Variants in RNLS observed in about 807,000 individuals in gnomAD.
RNLS encodes renalase, FAD dependent amine oxidase.
RNLS carries 39 observed loss-of-function variants against 39.8 expected under a neutral mutation model. The ratio of observed to expected loss-of-function variants is 0.98; its 90% CI spans 0.76 to 1.28. The LOEUF is 1.28. RNLS is among the 50% of genes most tolerant of loss of function. The probability of loss-of-function intolerance (pLI) is 0.00; values close to 1 mark genes in which losing one functional copy is unlikely to be tolerated. For missense variants in RNLS, 410 were observed against 413.3 expected (o/e 0.99, Z 0.07); for synonymous variants, 147 against 150.7 (o/e 0.98, Z 0.18).
intron 4 of RNLS, among the ~76,000 whole-genome samples, chr10:88,547,757 C>T (rs1258044895): frequency 6.6e-6 from 1 of 151,942 alleles, no homozygotes; most frequent in Non-Finnish European, 1.5e-5. Flanking sequence ...TTCAAAATTG[C>T]TAAAAGAATA....
chr10:88,197,169 A>G, the RNLS span, among the ~76,000 whole-genome samples: 1 of 152,338 alleles, frequency 6.6e-6, no homozygotes, highest in East Asian at 1.9e-4. Context: ...GTTTTTCTGA[A>G]TCTCAGTTTC....
intron 6 of RNLS, chr10:88,309,575 G>C: frequency 1.4e-6 from 1 of 714,430 alleles, no homozygotes; most frequent in Non-Finnish European, 2.2e-6. Context: ...GAGGTAATCA[G>C]CTGGAAAAGG....
At chr10:88,434,614 G>T (rs1855348658) in intron 4 of RNLS, among the ~76,000 whole-genome samples, 1 of 152,010 alleles carries the variant, frequency 6.6e-6, no homozygotes, top group South Asian at 2.1e-4. Context: ...TACCTTACAG[G>T]TAATACTGTG....
intron 4 of RNLS, among the ~76,000 whole-genome samples, chr10:88,534,814 A>C (rs1376821071): frequency 6.6e-6 from 1 of 152,164 alleles, no homozygotes; most frequent in Non-Finnish European, 1.5e-5. Context: ...TGAAATAAAT[A>C]GGAAATGTGG....
intron 4 of RNLS, among the ~76,000 whole-genome samples, chr10:88,383,375 G>T (rs1192958052): frequency 2.0e-5 from 3 of 152,074 alleles, no homozygotes; most frequent in Non-Finnish European, 4.4e-5. Flanking sequence ...AAAATTGTTA[G>T]GCAAAACAGC....
intron 4 of RNLS, among the ~76,000 whole-genome samples, chr10:88,386,977 C>G (rs1243998357): frequency 1.3e-5 from 2 of 152,222 alleles, no homozygotes; most frequent in African/African-American, 4.8e-5. Flanking sequence ...AGTTTATGCT[C>G]TAGTCCATCT....
chr10:88,236,051 T>G, the RNLS span, among the ~76,000 whole-genome samples: 1 of 152,238 alleles, frequency 6.6e-6, no homozygotes, highest in African/African-American at 2.4e-5. Context: ...AAGTGTAGTA[T>G]TTATGGAATG....
rs1843858751 is a variant in RNLS, at chr10:88,293,743, TC to T, written c.877-8238del. On this transcript the variant is annotated intron_variant, in intron 6 of 6. Coordinates refer to ENST00000331772, the MANE Select transcript of RNLS (RefSeq NM_001031709.3). ...GCTCTGGGGTAAGGCTTGACACAGC[TC>T]AAAGCAGAGTCTCTGTCAGTCTGAA... Among the ~76,000 whole-genome samples the T allele has an allele frequency of 4.6e-5, 7 of 152,200 alleles. 1 individual carries two copies. The highest frequency in any genetic ancestry group is 1.3e-4 in the Admixed American group (2 of 15,280).
chr10:88,361,355 AT>A (rs970692794), intron 5 of RNLS, among the ~76,000 whole-genome samples: 3 of 151,724 alleles, frequency 2.0e-5, no homozygotes, highest in Non-Finnish European at 4.4e-5. Context: ...ACAAGTTTAA[AT>A]TTTTTTTTCT....
In RNLS at chr10:88,437,051, T is replaced by A. The variant is rs1287414076; in HGVS notation, c.527-74326A>T. On this transcript the variant is annotated intron_variant, in intron 4 of 6. Coordinates refer to ENST00000331772, the MANE Select transcript of RNLS (RefSeq NM_001031709.3). ...TTGGGGGCTAATGTATAATTTACAA[T>A]ACTAAACAACTTCATGAACAAGAGT... is the stretch of plus-strand genomic sequence containing the variant. Among the ~76,000 whole-genome samples, 3 of 152,350 alleles carry A rather than the reference T, an allele frequency of 2.0e-5. No homozygotes were observed. In the East Asian group the frequency reaches 5.8e-4, roughly 29 times the overall value.
At chr10:88,371,377 C>T (rs11202733) in intron 4 of RNLS, among the ~76,000 whole-genome samples, 1 of 152,076 alleles carries the variant, frequency 6.6e-6, no homozygotes. Context: ...CAGGACGATA[C>T]TAAATCAAAG....
chr10:88,375,800 G>C (rs1850945570), intron 4 of RNLS, among the ~76,000 whole-genome samples: 1 of 152,062 alleles, frequency 6.6e-6, no homozygotes, highest in Non-Finnish European at 1.5e-5. Context: ...AGATTAATAG[G>C]AGAAAACCAT....
chr10:88,406,348 A>G (rs1853270026), intron 4 of RNLS, among the ~76,000 whole-genome samples: 1 of 152,066 alleles, frequency 6.6e-6, no homozygotes, highest in South Asian at 2.1e-4. Context: ...CTTCTTCCTC[A>G]GGAACATTGA....
intron 4 of RNLS, among the ~76,000 whole-genome samples, chr10:88,568,165 G>A (rs1849620956): frequency 6.6e-6 from 1 of 152,148 alleles, no homozygotes; most frequent in Admixed American, 6.5e-5. Flanking sequence ...GTAAGAACAT[G>A]CCATATTTTG....
chr10:88,294,245 C>G (rs1051610766), intron 6 of RNLS, among the ~76,000 whole-genome samples: 3 of 152,092 alleles, frequency 2.0e-5, no homozygotes, highest in Non-Finnish European at 4.4e-5. Flanking sequence ...GGAGAAGTGT[C>G]AATAAATGAA....
intron 4 of RNLS, among the ~76,000 whole-genome samples, chr10:88,436,693 G>A (rs567338414): frequency 1.8e-4 from 27 of 152,002 alleles, no homozygotes; most frequent in South Asian, 1.5e-3. Context: ...TTCTTTGGGC[G>A]TCAAGTTGGT....
At position 88,520,651 on chromosome 10, in the gene RNLS, C is replaced by T. The variant is rs555772468; in HGVS notation, c.526+52252G>A. On this transcript the variant is annotated intron_variant, in intron 4 of 6. Transcript: ENST00000331772. ...ATCTCACACATATGGCACAGATGAT[C>T]CATATCTCTGAATAAATATTTTATT... Among the ~76,000 whole-genome samples the T allele has an allele frequency of 5.3e-5, 8 of 152,118 alleles. No homozygotes were observed. In the East Asian group the frequency reaches 1.4e-3, roughly 26 times the overall value.
At chr10:88,362,136 C>A (rs1849688412) in intron 5 of RNLS, among the ~76,000 whole-genome samples, 2 of 151,850 alleles carry the variant, frequency 1.3e-5, no homozygotes, top group African/African-American at 4.8e-5. Flanking sequence ...TAGTAAAATT[C>A]TCCTTTAATT....
chr10:88,542,108 C>T (rs532899807), intron 4 of RNLS, among the ~76,000 whole-genome samples: 1 of 152,224 alleles, frequency 6.6e-6, no homozygotes, highest in Admixed American at 6.5e-5. Flanking sequence ...TAAGATAGAT[C>T]CCTGTGATAT....
Sources: allele counts gnomAD v4.1 joint callset (sites outside exome capture counted in the v4.1 genomes callset), GRCh38; gene constraint gnomAD v4.1.1; transcripts MANE v1.5; gene names NCBI Gene and HGNC (gene_info 2026-07-23, HGNC 2026-07-21).